Variants in COL22A1 observed in about 807,000 individuals in gnomAD.
The protein encoded by COL22A1 is collagen type XXII alpha 1 chain.
COL22A1 carries 221 observed loss-of-function variants against 248.9 expected under a neutral mutation model. The observed-to-expected ratio is 0.89, with a 90% CI of 0.80 to 0.99. COL22A1 has a LOEUF of 0.99. Among genes scored for constraint, COL22A1 ranks in the 50% least tolerant of loss-of-function variants. COL22A1 has a pLI of 0.00. For missense variants in COL22A1, 2,240 were observed against 2,179.0 expected, an observed-to-expected ratio of 1.03 and a Z score of -0.56; for synonymous variants, 891 against 793.4, an observed-to-expected ratio of 1.12 and a Z score of -2.07.
intron 1 of COL22A1, among the ~76,000 whole-genome samples, chr8:138,897,603 G>T (rs531176713): frequency 5.9e-5 from 9 of 152,002 alleles, no homozygotes; most frequent in Admixed American, 5.9e-4. Context: ...GTCCCTAAGA[G>T]TGAAGGCCAT....
intron 53 of COL22A1, among the ~76,000 whole-genome samples, chr8:138,617,640 G>A (rs1819447672): frequency 6.6e-6 from 1 of 152,184 alleles, no homozygotes; most frequent in Admixed American, 6.5e-5. Context: ...TAAAGCTCAA[G>A]GATAACAAAA....
chr8:138,711,083 T>A (rs557772459), intron 30 of COL22A1, among the ~76,000 whole-genome samples: 17 of 152,194 alleles, frequency 1.1e-4, no homozygotes, highest in Admixed American at 9.8e-4. Flanking sequence ...GGTAGACCCA[T>A]GGGGGCTCTC....
chr8:138,805,582 T>A, intron 10 of COL22A1, among the ~76,000 whole-genome samples: 1 of 145,964 alleles, frequency 6.9e-6, no homozygotes. Context: ...TGTCTATGTG[T>A]GATGGTATGT....
chr8:138,757,225 G>A (rs1833085328), intron 18 of COL22A1, among the ~76,000 whole-genome samples: 1 of 152,174 alleles, frequency 6.6e-6, no homozygotes, highest in African/African-American at 2.4e-5. Context: ...TCCAAACAGA[G>A]TCAGATTTCC....
In COL22A1 at chr8:138,821,307, G is replaced by A. The variant is rs751160582; in HGVS notation, c.1074C>T (p.Asp358=). 1 of 1,614,128 alleles carries A rather than the reference G, an allele frequency of 6.2e-7. No homozygotes were observed. The highest frequency in any genetic ancestry group is 1.1e-5 in the South Asian group (1 of 91,070). Residue 358 remains aspartate (D), a synonymous_variant, in exon 7 of 65, where the codon GAC becomes GAT. Transcript: ENST00000303045. ...RVVFRGSRVN[D]LFDRDWHKMA... ...TCTTGTGCCAGTCCCGGTCAAAGAG[G>A]TCATTGACCCGAGAACCTCGGAAGA...
At chr8:138,691,744 G>T (rs1182734145) in intron 35 of COL22A1, among the ~76,000 whole-genome samples, 1 of 151,510 alleles carries the variant, frequency 6.6e-6, no homozygotes, top group Non-Finnish European at 1.5e-5. Flanking sequence ...GTGCATGTTT[G>T]TGGAGGTGTG....
At chr8:138,623,973 G>A (rs1820045713) in intron 51 of COL22A1, among the ~76,000 whole-genome samples, 188 bp from the exon 52 acceptor site, 1 of 152,290 alleles carries the variant, frequency 6.6e-6, no homozygotes, top group South Asian at 2.1e-4. Context: ...CAAGATTCCA[G>A]CTGTGGATCT....
At chr8:138,823,504 C>G (rs1200757784) in intron 6 of COL22A1, among the ~76,000 whole-genome samples, 1 of 152,158 alleles carries the variant, frequency 6.6e-6, no homozygotes, top group Non-Finnish European at 1.5e-5. Flanking sequence ...CTCCCAGGTT[C>G]AAGCAATTCT....
intron 21 of COL22A1, among the ~76,000 whole-genome samples, chr8:138,752,086 G>C (rs1442310792): frequency 6.6e-6 from 1 of 152,184 alleles, no homozygotes. Context: ...CAAGTCACTT[G>C]GTGCCGTTAA....
chr8:138,697,862 G>A (rs1367225267), intron 32 of COL22A1, among the ~76,000 whole-genome samples: 2 of 152,208 alleles, frequency 1.3e-5, no homozygotes, highest in African/African-American at 2.4e-5. Flanking sequence ...CCAGTCCCGG[G>A]GAGACTCAGG....
At chr8:138,846,094 T>A (rs1187198494) in intron 3 of COL22A1, among the ~76,000 whole-genome samples, 1 of 152,136 alleles carries the variant, frequency 6.6e-6, no homozygotes, top group East Asian at 1.9e-4. Context: ...TGGAAGGGGT[T>A]ATTTTGGAAA....
At chr8:138,727,044 A>C (rs1830373038) in intron 23 of COL22A1, among the ~76,000 whole-genome samples, 1 of 152,094 alleles carries the variant, frequency 6.6e-6, no homozygotes, top group South Asian at 2.1e-4. Flanking sequence ...CGTTCTGCAT[A>C]TATCCAGGTT....
At chr8:138,771,846 G>A (rs1230368280) in intron 16 of COL22A1, among the ~76,000 whole-genome samples, 1 of 152,162 alleles carries the variant, frequency 6.6e-6, no homozygotes, top group Non-Finnish European at 1.5e-5. Context: ...GGCCCCCCGG[G>A]GCCTGCGGAG....
chr8:138,735,715 G>C (rs141561109), intron 23 of COL22A1, among the ~76,000 whole-genome samples: 1 of 152,172 alleles, frequency 6.6e-6, no homozygotes, highest in Non-Finnish European at 1.5e-5. Context: ...ATGATGGATC[G>C]TATATTCTTA....
At chr8:138,880,805 A>C (rs1479784334) in intron 2 of COL22A1, among the ~76,000 whole-genome samples, 1 of 152,186 alleles carries the variant, frequency 6.6e-6, no homozygotes, top group Non-Finnish European at 1.5e-5. Context: ...GCTGTTCAGG[A>C]TAATTGCTGC....
At position 138,878,148 on chromosome 8, in the gene COL22A1, G is replaced by A. The variant is rs769370994; in HGVS notation, c.260C>T (p.Thr87Ile). ...AAAGAGTCCCAACTCGAAGGCCGTG[G>A]TGGGCCGGTCGCTGTAGCGCACGAC... The part of the protein sequence containing the change: ...VGVVRYSDRP[T>I]TAFELGLFGS... The change falls in exon 3 of 65, where the codon ACC becomes ATC. Residue 87 changes from threonine to isoleucine, a missense_variant. By Grantham distance (89) the Thr-to-Ile change is moderately conservative (BLOSUM62 -1). Coordinates refer to ENST00000303045, the MANE Select transcript of COL22A1 (RefSeq NM_152888.3). 6.5e-5 allele frequency: 105 copies of A among 1,605,790 alleles called. No homozygotes were observed. Among genetic ancestry groups the A allele is most frequent in the Non-Finnish European group, 7.0e-5 (82 of 1,176,982 alleles).
intron 3 of COL22A1, among the ~76,000 whole-genome samples, chr8:138,867,932 CTT>C (rs1823024865): frequency 6.6e-6 from 1 of 151,828 alleles, no homozygotes; most frequent in African/African-American, 2.4e-5. Flanking sequence ...GCCTGGCTAA[CTT>C]TTGTATTTTT....
At chr8:138,751,599 C>A in intron 21 of COL22A1, 88 bp from the exon 22 acceptor site, 7 of 910,748 alleles carry the variant, frequency 7.7e-6, no homozygotes, top group Non-Finnish European at 1.2e-5. Flanking sequence ...AGAATCTCAC[C>A]CTCATTGAAT....
Position 138,903,796 on chromosome 8 carries a change from C to G in COL22A1, c.-73+9823G>C, listed in dbSNP as rs547654853. Among the ~76,000 whole-genome samples, 23 of 152,286 alleles carry G rather than the reference C, an allele frequency of 1.5e-4. No individual in the cohort carries two copies. The South Asian group carries it at 3.7e-3, about 25-fold the overall frequency. ...TGAGCTGGCTTGGGCCCCACATCCC[C>G]CTGGATGCTGGAATTTGACAAGAGC... On this transcript the variant is annotated intron_variant, in intron 1 of 64. Transcript: ENST00000303045.
Sources: allele counts gnomAD v4.1 joint callset (sites outside exome capture counted in the v4.1 genomes callset), GRCh38; gene constraint gnomAD v4.1.1; transcripts MANE v1.5; gene names NCBI Gene and HGNC (gene_info 2026-07-23, HGNC 2026-07-21).